Variants in FAM81A observed in about 807,000 individuals in gnomAD.
FAM81A encodes family with sequence similarity 81 member A.
FAM81A carries 19 observed loss-of-function variants against 46.7 expected under a neutral mutation model. That is an observed-to-expected ratio of 0.41 (90% CI 0.28 to 0.60). The LOEUF (loss-of-function observed/expected upper bound fraction) is 0.60. FAM81A is among the 20% of genes least tolerant of loss of function. FAM81A has a pLI of 0.34. For missense variants in FAM81A, 377 were observed against 453.5 expected (o/e 0.83, Z 1.53); for synonymous variants, 183 against 152.9 (o/e 1.20, Z -1.45).
At position 59,516,636 on chromosome 15, in the gene FAM81A, G is replaced by GT. The variant is rs761190298; in HGVS notation, c.787-9_787-8insT. On this transcript the variant is annotated splice_polypyrimidine_tract_variant and intron_variant, in intron 7 of 8. Coordinates refer to ENST00000288228, the MANE Select transcript of FAM81A (RefSeq NM_152450.3). ...AGTGATTAAGTGCAGTTCTTATCAT[G>GT]GATCTCAGGGAGCCAGTGAAAGGGA... 6.2e-7 allele frequency: 1 copy of GT among 1,605,200 alleles called. No individual in the cohort carries two copies. Among genetic ancestry groups the GT allele is most frequent in the Non-Finnish European group, 8.5e-7 (1 of 1,177,836 alleles).
At chr15:59,413,421 CACA>C (rs1354060652) in intron 2 of FAM81A, among the ~76,000 whole-genome samples, 1 of 79,396 alleles carries the variant, frequency 1.3e-5, no homozygotes, top group African/African-American at 1.3e-4. Flanking sequence ...GCATTAAACA[CACA>C]CACACACACA....
chr15:59,423,212 C>G (rs983226252), intron 2 of FAM81A, among the ~76,000 whole-genome samples: 10 of 152,308 alleles, frequency 6.6e-5, no homozygotes, highest in Admixed American at 6.5e-4. Flanking sequence ...ATTCTCCTGC[C>G]TCAGCCTCCC....
intron 7 of FAM81A, among the ~76,000 whole-genome samples, chr15:59,515,404 T>C (rs2082256384): frequency 6.6e-6 from 1 of 152,202 alleles, no homozygotes; most frequent in Non-Finnish European, 1.5e-5. Flanking sequence ...ATATTGATGA[T>C]TGAGCTGAAA....
chr15:59,485,318 C>A (rs375199885), intron 3 of FAM81A, among the ~76,000 whole-genome samples: 3 of 152,222 alleles, frequency 2.0e-5, no homozygotes, highest in African/African-American at 7.2e-5. Flanking sequence ...AGATTCGGTG[C>A]TGTGCTGGCT....
chr15:59,426,382 G>A (rs61340984), intron 2 of FAM81A, among the ~76,000 whole-genome samples: 3,333 of 152,168 alleles, frequency 0.022, 129 homozygotes, highest in African/African-American at 0.077. Flanking sequence ...CGAGGTGGGC[G>A]ATCACCTGAG....
At position 59,473,625 on chromosome 15, in the gene FAM81A, G is replaced by C. The variant is rs549241615; in HGVS notation, c.294+13419G>C. 1.1e-4 allele frequency among the ~76,000 whole-genome samples: 17 copies of C among 152,178 alleles called. No individual in the cohort carries two copies. The South Asian group carries it at 3.3e-3, about 30-fold the overall frequency. The stretch of plus-strand genomic sequence containing the variant: ...ACTCAGCTCTGTTCCCTTTGCTTAC[G>C]GGGGTGGGGGAAGACTAGAGATGGG... On this transcript the variant is annotated intron_variant, in intron 3 of 8. Coordinates refer to ENST00000288228, the MANE Select transcript of FAM81A (RefSeq NM_152450.3).
At chr15:59,414,309 C>G (rs1452312604) in intron 2 of FAM81A, among the ~76,000 whole-genome samples, 1 of 152,200 alleles carries the variant, frequency 6.6e-6, no homozygotes, top group East Asian at 1.9e-4. Context: ...GAAAGACTTC[C>G]CCTCACTCTC....
chr15:59,493,284 C>T (rs922293715), intron 4 of FAM81A, among the ~76,000 whole-genome samples: 16 of 152,102 alleles, frequency 1.1e-4, no homozygotes, highest in African/African-American at 3.9e-4. Flanking sequence ...GAATGCTGGA[C>T]ATGTGTGTTT....
At chr15:59,432,404 G>C (rs1311375962) in intron 2 of FAM81A, among the ~76,000 whole-genome samples, 1 of 152,228 alleles carries the variant, frequency 6.6e-6, no homozygotes, top group African/African-American at 2.4e-5. Flanking sequence ...TCTTTGATAT[G>C]TGCTGTCCTT....
At chr15:59,517,455 A>C (rs74738664) in intron 8 of FAM81A, among the ~76,000 whole-genome samples, 7,113 of 152,274 alleles carry the variant, frequency 0.047, 225 homozygotes, top group Middle Eastern at 0.071. Context: ...GAGTCCTAAA[A>C]GACTGATGGC....
At chr15:59,421,456 G>A (rs1284514487) in intron 2 of FAM81A, among the ~76,000 whole-genome samples, 3 of 152,084 alleles carry the variant, frequency 2.0e-5, no homozygotes, top group Non-Finnish European at 2.9e-5. Context: ...CGACGGGCTG[G>A]GAGCTCTCCC....
chr15:59,443,068 A>G (rs1471238145), intron 1 of FAM81A, among the ~76,000 whole-genome samples: 2 of 152,090 alleles, frequency 1.3e-5, no homozygotes, highest in Non-Finnish European at 2.9e-5. Flanking sequence ...AAAAGAGGAG[A>G]AAAAAAGATC....
intron 2 of FAM81A, among the ~76,000 whole-genome samples, chr15:59,414,100 G>A (rs919615663): frequency 9.2e-5 from 14 of 152,056 alleles, no homozygotes; most frequent in Admixed American, 8.5e-4. Flanking sequence ...ACAGGTGTGC[G>A]CCATCACCAC....
chr15:59,481,151 C>T (rs186530209), intron 3 of FAM81A, among the ~76,000 whole-genome samples: 1 of 151,950 alleles, frequency 6.6e-6, no homozygotes, highest in Non-Finnish European at 1.5e-5. Context: ...TGCACCACAA[C>T]TCTTGGCTAA....
chr15:59,484,206 A>G (rs1420684735), intron 3 of FAM81A, among the ~76,000 whole-genome samples: 2 of 152,240 alleles, frequency 1.3e-5, no homozygotes, highest in African/African-American at 4.8e-5. Flanking sequence ...CTTGAATAAA[A>G]AATAATTCCT....
upstream of FAM81A, among the ~76,000 whole-genome samples, chr15:59,437,332 A>G (rs1353293298): frequency 6.6e-6 from 1 of 151,894 alleles, no homozygotes; most frequent in Non-Finnish European, 1.5e-5. Flanking sequence ...CGAAGGAGGC[A>G]CGAACCAGAT....
At chr15:59,423,713 G>T (rs2081184401) in intron 2 of FAM81A, among the ~76,000 whole-genome samples, 1 of 152,158 alleles carries the variant, frequency 6.6e-6, no homozygotes, top group Non-Finnish European at 1.5e-5. Flanking sequence ...AATTTTTATA[G>T]AACCATTCAC....
intron 4 of FAM81A, among the ~76,000 whole-genome samples, chr15:59,493,532 A>T (rs2082002953): frequency 6.6e-6 from 1 of 152,070 alleles, no homozygotes. Flanking sequence ...ATGCTCTTCT[A>T]TTGCTCCACC....
At chr15:59,432,937 C>T (rs1369416120) in intron 2 of FAM81A, among the ~76,000 whole-genome samples, 4 of 142,246 alleles carry the variant, frequency 2.8e-5, no homozygotes, top group Non-Finnish European at 6.1e-5. Context: ...AGATCGAGAC[C>T]ATCCTCCCTA....
Sources: gnomAD v4.1 joint callset for allele counts (sites outside exome capture counted in the v4.1 genomes callset) on GRCh38, gnomAD v4.1.1 for gene constraint, MANE v1.5 for transcripts, NCBI Gene and HGNC (gene_info 2026-07-23, HGNC 2026-07-21) for gene names.